The following ZSCAN25 variants were observed in gnomAD, a reference collection of about 807,000 sequenced individuals.
ZSCAN25 encodes the protein zinc finger and SCAN domain containing 25, also known as zinc finger and SCAN domain-containing protein 25.
In ZSCAN25, 27 loss-of-function variants were observed where a neutral mutation model predicts 38.7. The ratio of observed to expected loss-of-function variants is 0.70; its 90% confidence interval spans 0.51 to 0.96. The LOEUF is 0.96. Among genes scored for constraint, ZSCAN25 ranks in the 40% least tolerant of loss-of-function variants. ZSCAN25 has a pLI of 0.00. For synonymous variants in ZSCAN25, 273 were observed against 277.7 expected (o/e 0.98, Z 0.17); for missense variants, 637 against 705.9 (o/e 0.90, Z 1.11).
chr7:99,622,232 C>A, intron 5 of ZSCAN25: 1 of 342,026 alleles, frequency 2.9e-6, no homozygotes, highest in Non-Finnish European at 5.4e-6. Context: ...GCCCACGTAG[C>A]TTTATTTTGT....
the ZSCAN25 span, among the ~76,000 whole-genome samples, chr7:99,723,783 C>T: frequency 6.6e-6 from 1 of 152,132 alleles, no homozygotes; most frequent in African/African-American, 2.4e-5. Flanking sequence ...CTCTCCCTTC[C>T]TTAATTTCAG....
chr7:99,638,607 A>G, the ZSCAN25 span: 1 of 1,583,500 alleles, frequency 6.3e-7, no homozygotes, highest in Non-Finnish European at 8.7e-7. Flanking sequence ...CATTTTTGTA[A>G]GTCACTGTCT....
chr7:99,670,177 G>A, the ZSCAN25 span, among the ~76,000 whole-genome samples: 1 of 152,146 alleles, frequency 6.6e-6, no homozygotes, highest in African/African-American at 2.4e-5. Context: ...GTGAAATCAA[G>A]CTGTTTATGG....
the ZSCAN25 span, among the ~76,000 whole-genome samples, chr7:99,679,038 T>C: frequency 2.6e-5 from 4 of 152,236 alleles, no homozygotes; most frequent in Non-Finnish European, 2.9e-5. Context: ...AGGCTGCTAG[T>C]AGATTCCCAT....
the ZSCAN25 span, chr7:99,730,907 T>C: frequency 9.9e-7 from 1 of 1,006,720 alleles, no homozygotes; most frequent in Non-Finnish European, 1.4e-6. Flanking sequence ...AGCCCCAGGG[T>C]AAACTTTGCC....
chr7:99,629,863 A>C lies in ZSCAN25; in HGVS notation c.1478A>C (p.Lys493Thr). Reference protein sequence around the residue: ...EKPYGCQVCGKRFSKGERLVR... With the variant: ...EKPYGCQVCGTRFSKGERLVR... ...CCATATGGGTGCCAGGTGTGCGGGA[A>C]GCGGTTCAGCAAAGGGGAGCGGCTG... Residue 493 changes from lysine to threonine, a missense_variant, in exon 8 of 8, where the codon AAG (lysine) becomes ACG (threonine). Transcript: ENST00000394152. The surrounding 1 kb of genome is among the most constrained non-coding windows in gnomAD (Gnocchi z 5.6). The C allele has an allele frequency of 6.2e-7, 1 of 1,614,202 alleles. No individual in the cohort carries two copies. The highest frequency in any genetic ancestry group is 1.1e-5 in the South Asian group (1 of 91,092).
chr7:99,707,502 G>T, the ZSCAN25 span, among the ~76,000 whole-genome samples: 4 of 152,180 alleles, frequency 2.6e-5, no homozygotes, highest in Non-Finnish European at 5.9e-5. Context: ...TGCACCTCAT[G>T]ATTGTGCAAA....
chr7:99,647,541 G>A, the ZSCAN25 span: 1 of 985,454 alleles, frequency 1.0e-6, no homozygotes. Context: ...TGTTTCCTGT[G>A]TTCCAGAAAT....
chr7:99,622,487 G>A (rs998529535), intron 5 of ZSCAN25, 62 bp from the exon 6 acceptor site: 52 of 1,506,514 alleles, frequency 3.5e-5, no homozygotes, highest in South Asian at 2.8e-4. Flanking sequence ...ACATTTGAAC[G>A]AGCTAACAGC....
At chr7:99,714,624 T>C in the ZSCAN25 span, 2 of 1,613,314 alleles carry the variant, frequency 1.2e-6, no homozygotes, top group African/African-American at 2.7e-5. Flanking sequence ...TTATAACTTT[T>C]CTTGGAAACA....
chr7:99,683,845 G>A, the ZSCAN25 span, among the ~76,000 whole-genome samples: 2 of 152,188 alleles, frequency 1.3e-5, no homozygotes, highest in African/African-American at 2.4e-5. Context: ...CTTAATGTGT[G>A]GCCACCATCT....
the ZSCAN25 span, chr7:99,672,710 T>G: frequency 4.3e-6 from 7 of 1,612,442 alleles, no homozygotes; most frequent in South Asian, 7.7e-5. Flanking sequence ...TGATTAAACT[T>G]CACTAGCCCG....
chr7:99,715,916 G>T, the ZSCAN25 span: 8 of 1,613,460 alleles, frequency 5.0e-6, no homozygotes, highest in Admixed American at 1.2e-4. Context: ...GCTGAGTGGA[G>T]AAAGATGTGG....
the ZSCAN25 span, among the ~76,000 whole-genome samples, chr7:99,686,353 A>T: frequency 3.3e-5 from 5 of 152,172 alleles, no homozygotes; most frequent in Non-Finnish European, 7.4e-5. Flanking sequence ...ACACCAGGAG[A>T]TTATATCCTG....
the ZSCAN25 span, among the ~76,000 whole-genome samples, chr7:99,731,848 G>A: frequency 1.3e-5 from 2 of 152,292 alleles, no homozygotes; most frequent in South Asian, 4.1e-4. Context: ...CTCAGTCTCT[G>A]TGGTCAGAGG....
chr7:99,634,007 C>T (rs541577695), downstream of ZSCAN25, among the ~76,000 whole-genome samples: 9 of 152,260 alleles, frequency 5.9e-5, 1 homozygote, highest in African/African-American at 1.2e-4. Context: ...CCAGGTCAAA[C>T]GGGTATTTGG....
At chr7:99,663,999 A>C in the ZSCAN25 span, 1 of 1,593,210 alleles carries the variant, frequency 6.3e-7, no homozygotes, top group Non-Finnish European at 8.5e-7. Flanking sequence ...ACTTTTCTTC[A>C]TTCTGTTTAC....
the ZSCAN25 span, chr7:99,716,017 A>T: frequency 6.3e-7 from 1 of 1,594,038 alleles, no homozygotes. Flanking sequence ...ACAGCCACAG[A>T]CTTTCAGAAC....
At chr7:99,654,504 C>A in the ZSCAN25 span, among the ~76,000 whole-genome samples, 3 of 152,106 alleles carry the variant, frequency 2.0e-5, no homozygotes, top group South Asian at 6.2e-4. Context: ...GGGTTGGTTC[C>A]AAGTCTTTGC....
Sources: allele counts gnomAD v4.1 joint callset (sites outside exome capture counted in the v4.1 genomes callset), GRCh38; gene constraint gnomAD v4.1.1; non-coding constraint Gnocchi (gnomAD v3.1); transcripts MANE v1.5; gene names NCBI Gene and HGNC (gene_info 2026-07-23, HGNC 2026-07-21).